The following NOL4 variants were observed in gnomAD, a reference collection of about 807,000 sequenced individuals.
NOL4 encodes nucleolar protein 4.
Under a neutral mutation model 75.9 loss-of-function variants are expected in NOL4, and 17 were observed. The observed-to-expected ratio is 0.22, with a 90% CI of 0.15 to 0.34. The LOEUF is 0.34. Among genes scored for constraint, NOL4 ranks in the 10% least tolerant of loss-of-function variants. The pLI is 1.00. For synonymous variants in NOL4, 292 were observed against 289.9 expected (o/e 1.01, Z -0.07); for missense variants, 614 against 793.5 (o/e 0.77, Z 2.72).
chr18:33,934,113 T>A (rs768267914), intron 9 of NOL4, among the ~76,000 whole-genome samples: 1 of 152,128 alleles, frequency 6.6e-6, no homozygotes, highest in Admixed American at 6.6e-5. Flanking sequence ...GGTGACTAAG[T>A]GCATTGTCAA....
At chr18:33,969,229 A>G (rs929198189) in intron 6 of NOL4, among the ~76,000 whole-genome samples, 2 of 152,314 alleles carry the variant, frequency 1.3e-5, no homozygotes, top group Middle Eastern at 3.4e-3. Flanking sequence ...ATATGATAAT[A>G]TAATTCATTC....
chr18:34,065,773 G>A (rs2077249291), intron 5 of NOL4, among the ~76,000 whole-genome samples: 1 of 151,780 alleles, frequency 6.6e-6, no homozygotes, highest in South Asian at 2.1e-4. Flanking sequence ...TAACTACATA[G>A]TCTCATTACA....
intron 5 of NOL4, among the ~76,000 whole-genome samples, chr18:34,025,813 T>C (rs1428916041): frequency 1.3e-5 from 2 of 152,116 alleles, no homozygotes; most frequent in African/African-American, 2.4e-5. Context: ...AGAGAAACCC[T>C]GTGATCATAC....
In NOL4 at chr18:34,204,074, T is replaced by C. The variant is rs1395620651; in HGVS notation, c.264+18916A>G. Among the ~76,000 whole-genome samples the C allele has an allele frequency of 2.0e-5, 3 of 152,078 alleles. No homozygotes were observed. The East Asian group carries it at 5.8e-4, about 29-fold the overall frequency. On this transcript the variant is annotated intron_variant, in intron 1 of 10. Transcript: ENST00000261592. Reference sequence around the variant, plus strand: ...AGCCACCCTGTAGAGTGCTGACTCATTAAAAATTCAATTTGTTCCAAAAAT... The same window carrying C: ...AGCCACCCTGTAGAGTGCTGACTCACTAAAAATTCAATTTGTTCCAAAAAT...
At chr18:34,036,249 C>G (rs992510008) in intron 5 of NOL4, among the ~76,000 whole-genome samples, 7 of 151,986 alleles carry the variant, frequency 4.6e-5, no homozygotes, top group Admixed American at 4.6e-4. Flanking sequence ...CAGAAAGCAA[C>G]AGCATATCAA....
intron 1 of NOL4, among the ~76,000 whole-genome samples, chr18:34,146,200 C>A (rs1284082296): frequency 1.3e-5 from 2 of 151,952 alleles, no homozygotes; most frequent in African/African-American, 4.8e-5. Flanking sequence ...GCCATTTATT[C>A]AGGCTGCATG....
At chr18:33,966,421 C>T (rs908269600) in intron 6 of NOL4, among the ~76,000 whole-genome samples, 8 of 152,154 alleles carry the variant, frequency 5.3e-5, no homozygotes, top group African/African-American at 1.7e-4. Flanking sequence ...ACTCCAGTTC[C>T]ACATAGTACT....
In NOL4 at chr18:34,223,891, AAGAG is replaced by A. The variant is rs1470959137; in HGVS notation, c.-642_-639del. 3 of 152,330 alleles carry A rather than the reference AAGAG, an allele frequency of 2.0e-5. No individual in the cohort carries two copies. The highest frequency in any genetic ancestry group is 2.9e-5 in the Non-Finnish European group (2 of 68,106). The allele number at this position is 152,330 out of a possible 1,614,324, so 9.4% of individuals were successfully genotyped here. On this transcript the variant is annotated 5_prime_UTR_variant, in exon 1 of 11. The change creates a premature stop within an existing upstream ORF in the 5' untranslated region. Coordinates refer to ENST00000261592, the MANE Select transcript of NOL4 (RefSeq NM_003787.5). ...CCACGACGGGTGTTAAGGGACTAGA[AAGAG>A]AAAGTTCTTACCTGTCATGTTTTTA...
intron 1 of NOL4, among the ~76,000 whole-genome samples, chr18:34,202,287 A>T (rs979939513): frequency 5.9e-5 from 9 of 151,936 alleles, no homozygotes; most frequent in Non-Finnish European, 1.0e-4. Flanking sequence ...TTTGAAAGAC[A>T]AATTTTAGCA....
intron 1 of NOL4, among the ~76,000 whole-genome samples, chr18:34,175,821 A>C (rs1479645998): frequency 6.6e-6 from 1 of 152,166 alleles, no homozygotes; most frequent in Admixed American, 6.6e-5. Flanking sequence ...CTAAACAATT[A>C]ACAACTATAA....
intron 5 of NOL4, among the ~76,000 whole-genome samples, chr18:34,059,640 A>G (rs1306584650): frequency 2.0e-5 from 3 of 152,132 alleles, no homozygotes; most frequent in Non-Finnish European, 4.4e-5. Context: ...CTTGTGAAAT[A>G]ACCTCCCTAA....
intron 5 of NOL4, among the ~76,000 whole-genome samples, chr18:34,062,390 C>T (rs533037443): frequency 2.0e-5 from 3 of 152,068 alleles, no homozygotes; most frequent in South Asian, 2.1e-4. Flanking sequence ...AATGCTAGAT[C>T]TCATTTAGTA....
intron 5 of NOL4, among the ~76,000 whole-genome samples, chr18:34,092,184 T>G (rs1404619532): frequency 6.6e-6 from 1 of 151,976 alleles, no homozygotes; most frequent in African/African-American, 2.4e-5. Flanking sequence ...TACTATACAA[T>G]GGCCATTAAA....
intron 2 of NOL4, among the ~76,000 whole-genome samples, chr18:34,111,021 T>C (rs2079561435): frequency 6.6e-6 from 1 of 151,976 alleles, no homozygotes; most frequent in Admixed American, 6.5e-5. Context: ...AAGAATAATC[T>C]CTGACAAATA....
At chr18:33,915,143 G>A (rs1037975224) in intron 9 of NOL4, among the ~76,000 whole-genome samples, 12 of 152,128 alleles carry the variant, frequency 7.9e-5, no homozygotes, top group African/African-American at 1.7e-4. Flanking sequence ...GTAATCAACC[G>A]TGACAAATGC....
At chr18:33,907,636 TA>T (rs1329401891) in intron 9 of NOL4, among the ~76,000 whole-genome samples, 1 of 152,156 alleles carries the variant, frequency 6.6e-6, no homozygotes, top group Non-Finnish European at 1.5e-5. Context: ...TACACAATCC[TA>T]TTAATGTGGT....
chr18:33,888,728 T>C (rs1322423327), intron 9 of NOL4, among the ~76,000 whole-genome samples: 2 of 152,100 alleles, frequency 1.3e-5, no homozygotes, highest in Admixed American at 1.3e-4. Context: ...CAGATGGTTG[T>C]AGATGTGTGG....
chr18:34,103,584 A>T (rs1396362680), intron 4 of NOL4, among the ~76,000 whole-genome samples: 2 of 152,082 alleles, frequency 1.3e-5, no homozygotes, highest in African/African-American at 4.8e-5. Flanking sequence ...GCAGTTAATT[A>T]AAAAATAACT....
intron 10 of NOL4, among the ~76,000 whole-genome samples, chr18:33,873,472 A>G (rs2063790998): frequency 6.6e-6 from 1 of 152,026 alleles, no homozygotes; most frequent in African/African-American, 2.4e-5. Context: ...ATTTCAAAGC[A>G]GAATTTATGT....
Sources: gnomAD v4.1 joint callset for allele counts (sites outside exome capture counted in the v4.1 genomes callset) on GRCh38, gnomAD v4.1.1 for gene constraint, MANE v1.5 for transcripts, NCBI Gene and HGNC (gene_info 2026-07-23, HGNC 2026-07-21) for gene names.